The following GMDS variants were observed in gnomAD, a reference collection of about 807,000 sequenced individuals.
The protein encoded by GMDS is GDP-mannose 4,6-dehydratase, also known as GDP-mannose 4,6 dehydratase.
GMDS carries 20 observed loss-of-function variants against 49.9 expected under a neutral mutation model. The ratio of observed to expected loss-of-function variants is 0.40; its 90% CI spans 0.28 to 0.58. GMDS has a LOEUF of 0.58. GMDS is among the 20% of genes least tolerant of loss of function. GMDS has a pLI of 0.42. For missense variants in GMDS, 362 were observed against 481.4 expected, an observed-to-expected ratio of 0.75 and a Z score of 2.32; for synonymous variants, 177 against 178.6, an observed-to-expected ratio of 0.99 and a Z score of 0.07.
At chr6:1,998,352 A>G (rs1242732988) in intron 4 of GMDS, among the ~76,000 whole-genome samples, 1 of 152,136 alleles carries the variant, frequency 6.6e-6, no homozygotes, top group Non-Finnish European at 1.5e-5. Context: ...AAATAATAAA[A>G]AGAAAGTCAC....
chr6:1,874,019 G>A (rs563933781), intron 7 of GMDS, among the ~76,000 whole-genome samples: 77 of 152,292 alleles, frequency 5.1e-4, no homozygotes, highest in African/African-American at 1.8e-3. Context: ...GGAGGCAGAC[G>A]GACCAGTGGG....
chr6:2,146,143 A>G (rs184535133), intron 1 of GMDS, among the ~76,000 whole-genome samples: 52 of 152,350 alleles, frequency 3.4e-4, no homozygotes, highest in Non-Finnish European at 7.3e-4. Context: ...AGTTTGATAA[A>G]CTACCAAAAT....
chr6:2,061,407 T>TG (rs1771152814), intron 4 of GMDS, among the ~76,000 whole-genome samples: 1 of 152,020 alleles, frequency 6.6e-6, no homozygotes, highest in South Asian at 2.1e-4. Flanking sequence ...CTCAGGTGTA[T>TG]GAAAATCAGT....
At chr6:1,648,682 A>C (rs1335827103) in intron 9 of GMDS, among the ~76,000 whole-genome samples, 3 of 152,254 alleles carry the variant, frequency 2.0e-5, no homozygotes, top group Non-Finnish European at 2.9e-5. Flanking sequence ...TACTTTAATC[A>C]TACATTGTCT....
chr6:1,858,796 T>C (rs1758053560), intron 7 of GMDS, among the ~76,000 whole-genome samples: 1 of 152,228 alleles, frequency 6.6e-6, no homozygotes, highest in African/African-American at 2.4e-5. Context: ...GCTGATCTTA[T>C]GAGAACGTAA....
chr6:1,959,424 A>G (rs752044530), intron 6 of GMDS, among the ~76,000 whole-genome samples: 11 of 152,232 alleles, frequency 7.2e-5, no homozygotes, highest in Non-Finnish European at 1.5e-5. Flanking sequence ...CTGGACGTCT[A>G]TTTAATGAAA....
intron 7 of GMDS, among the ~76,000 whole-genome samples, chr6:1,829,620 T>G (rs535195829): frequency 7.9e-5 from 12 of 152,182 alleles, no homozygotes; most frequent in Non-Finnish European, 1.6e-4. Context: ...TAAAATGTTT[T>G]GCAGAGATGG....
chr6:1,864,232 T>C (rs1581271173), intron 7 of GMDS, among the ~76,000 whole-genome samples: 2 of 152,314 alleles, frequency 1.3e-5, no homozygotes, highest in East Asian at 3.9e-4. Flanking sequence ...GAAGCTATTG[T>C]TAACTTCTGT....
chr6:1,705,486 T>C (rs904771483), intron 9 of GMDS, among the ~76,000 whole-genome samples: 3 of 152,216 alleles, frequency 2.0e-5, no homozygotes, highest in African/African-American at 7.2e-5. Context: ...CAGCACACCA[T>C]AATCAAACGT....
At chr6:1,870,218 C>T (rs1227598413) in intron 7 of GMDS, among the ~76,000 whole-genome samples, 2 of 152,170 alleles carry the variant, frequency 1.3e-5, no homozygotes. Flanking sequence ...TGGATGACAC[C>T]CCATGATCAA....
At chr6:2,192,532 C>G (rs1179380466) in intron 1 of GMDS, among the ~76,000 whole-genome samples, 2 of 152,236 alleles carry the variant, frequency 1.3e-5, no homozygotes, top group East Asian at 1.9e-4. Flanking sequence ...GACCTGGGAG[C>G]TCCCCAAGCC....
At chr6:1,904,520 A>G (rs1230244928) in intron 7 of GMDS, among the ~76,000 whole-genome samples, 1 of 152,198 alleles carries the variant, frequency 6.6e-6, no homozygotes, top group African/African-American at 2.4e-5. Flanking sequence ...CCATTAAGCA[A>G]AGACAAAAGG....
chr6:1,725,900 C>G (rs1766563467), intron 9 of GMDS, among the ~76,000 whole-genome samples: 1 of 152,206 alleles, frequency 6.6e-6, no homozygotes, highest in African/African-American at 2.4e-5. Flanking sequence ...TTCAGCAGTA[C>G]TGATGTATCG....
At chr6:1,888,454 C>A (rs1028388472) in intron 7 of GMDS, among the ~76,000 whole-genome samples, 2 of 152,032 alleles carry the variant, frequency 1.3e-5, no homozygotes, top group African/African-American at 2.4e-5. Flanking sequence ...CACTCACTAT[C>A]GAAAGAACAC....
At chr6:2,016,131 C>A (rs1243183361) in intron 4 of GMDS, among the ~76,000 whole-genome samples, 1 of 142,524 alleles carries the variant, frequency 7.0e-6, no homozygotes, top group Admixed American at 7.0e-5. Flanking sequence ...TGGTGGCACA[C>A]AACTGTAGTC....
intron 7 of GMDS, among the ~76,000 whole-genome samples, chr6:1,916,740 A>G (rs1761423556): frequency 2.0e-5 from 3 of 152,198 alleles, no homozygotes; most frequent in Admixed American, 2.0e-4. Context: ...ATTTTAATAG[A>G]TGACTCATTA....
chr6:2,002,375 A>G (rs1424651608), intron 4 of GMDS, among the ~76,000 whole-genome samples: 1 of 152,238 alleles, frequency 6.6e-6, no homozygotes. Flanking sequence ...TGAGGGATAT[A>G]GTTAGAGACT....
intron 1 of GMDS, among the ~76,000 whole-genome samples, chr6:2,175,371 A>T (rs1319309511): frequency 6.6e-6 from 1 of 152,204 alleles, no homozygotes; most frequent in East Asian, 1.9e-4. Flanking sequence ...GTCACTGTTG[A>T]GCTCAAAGAG....
intron 2 of GMDS, among the ~76,000 whole-genome samples, chr6:2,124,453 G>A (rs565282390): frequency 1.3e-5 from 2 of 152,326 alleles, no homozygotes; most frequent in South Asian, 4.1e-4. Context: ...TGGGAAGTGT[G>A]CACCACAGCT....
Sources: gnomAD v4.1 joint callset for allele counts (sites outside exome capture counted in the v4.1 genomes callset) on GRCh38, gnomAD v4.1.1 for gene constraint, MANE v1.5 for transcripts, NCBI Gene and HGNC (gene_info 2026-07-23, HGNC 2026-07-21) for gene names.